Variants in ELP2 observed in about 807,000 individuals in gnomAD.
The protein encoded by ELP2 is elongator acetyltransferase complex subunit 2, also known as elongator complex protein 2.
In ELP2, 90 loss-of-function variants were observed where a neutral mutation model predicts 119.2. That is an observed-to-expected ratio of 0.75 (90% CI 0.64 to 0.90). The LOEUF (loss-of-function observed/expected upper bound fraction) is 0.90. ELP2 is among the 40% of genes least tolerant of loss of function. The pLI, the probability that ELP2 is intolerant of heterozygous loss-of-function variation, is 0.00. For synonymous variants in ELP2, 339 were observed against 331.0 expected (o/e 1.02, Z -0.26); for missense variants, 921 against 967.8 (o/e 0.95, Z 0.64).
chr18:36,156,362 C>A, intron 12 of ELP2, 104 bp from the exon 13 acceptor site: 2 of 1,119,220 alleles, frequency 1.8e-6, no homozygotes, highest in Non-Finnish European at 2.7e-6. Context: ...ATATTTGCCC[C>A]ATGGTTATAT....
Position 36,159,808 on chromosome 18 carries a change from CTT to C in ELP2, c.1610_1611del (p.Phe537SerfsTer7). The C allele has an allele frequency of 6.2e-7, 1 of 1,613,958 alleles. No homozygotes were observed. ...CTGGTTTTGAGTATCAGCAGGTGGC[CTT>C]TCAGCCCTCCATACTTACTGGTAAG... ...STGFEYQQVAFQPSILTEPPT... is the reference protein window; with the variant it reads ...STGFEYQQVAXQPSILTEPPT... On this transcript the variant is annotated frameshift_variant, in exon 15 of 22. Transcript: ENST00000358232. LOFTEE classifies it high-confidence loss of function.
chr18:36,142,743 A>G, intron 7 of ELP2, 83 bp from the exon 8 acceptor site: 1 of 883,286 alleles, frequency 1.1e-6, no homozygotes, highest in Non-Finnish European at 1.8e-6. Flanking sequence ...ATCTGGAAAT[A>G]TATATATTAT....
chr18:36,158,648 C>T (rs1179683041), intron 13 of ELP2, 187 bp from the exon 14 acceptor site: 1 of 549,734 alleles, frequency 1.8e-6, no homozygotes, highest in Non-Finnish European at 3.3e-6. Flanking sequence ...GATTGCTTAG[C>T]ATTGCATTGT....
intron 19 of ELP2, among the ~76,000 whole-genome samples, chr18:36,167,769 G>T (rs1398982542): frequency 1.3e-5 from 2 of 151,850 alleles, no homozygotes; most frequent in South Asian, 2.1e-4. Context: ...GACCTCCTGG[G>T]CCCAAGCAAT....
rs1227719549 is a variant in ELP2, at chr18:36,160,004, A to G, written c.1677A>G (p.Glu559=). 6.2e-7 allele frequency: 1 copy of G among 1,613,960 alleles called. No homozygotes were observed. The highest frequency in any genetic ancestry group is 8.5e-7 in the Non-Finnish European group (1 of 1,179,982). Residue 559 remains glutamate, a synonymous_variant, in exon 16 of 22, where the codon GAA becomes GAG. Coordinates refer to ENST00000358232, the MANE Select transcript of ELP2 (RefSeq NM_018255.4). The part of the protein sequence containing the change: ...DHLLQNTLWP[E]VQKLYGHGYE... ...TTCTGCAGAATACTTTGTGGCCTGA[A>G]GTTCAAAAACTGTAAGTTAAACTGT...
intron 9 of ELP2, among the ~76,000 whole-genome samples, chr18:36,145,685 G>A (rs1209777277): frequency 2.6e-5 from 4 of 152,162 alleles, no homozygotes; most frequent in Non-Finnish European, 5.9e-5. Context: ...AGCTTACCGT[G>A]TTTTGGAGCT....
chr18:36,138,342 A>G lies in ELP2; in HGVS notation c.361A>G (p.Thr121Ala). 6.2e-7 allele frequency: 1 copy of G among 1,614,102 alleles called. No individual in the cohort carries two copies. The highest frequency in any genetic ancestry group is 8.5e-7 in the Non-Finnish European group (1 of 1,179,996). ...GGTGCATGCTGTTTACCAGAGGAGG[A>G]CATCAGATCCTGCATTATGTACACT... ...YAVHAVYQRR[T>A]SDPALCTLIV... The change falls in exon 4 of 22, where the codon ACA (threonine) becomes GCA (alanine). Residue 121 changes from threonine to alanine, a missense_variant. Thr to Ala is a moderately conservative substitution (Grantham distance 58). Coordinates refer to ENST00000358232, the MANE Select transcript of ELP2 (RefSeq NM_018255.4).
chr18:36,136,341 TAATC>T lies in ELP2; in HGVS notation c.255_258del (p.Asn85LysfsTer2), dbSNP rs762574072. ...CTGAATTAGTTTCTGGAGGATCTGATAATCAAGTGATTCACTGGGAAATAGAGGA... is the reference window on the plus strand; with the variant it reads ...CTGAATTAGTTTCTGGAGGATCTGATAAGTGATTCACTGGGAAATAGAGGA... On this transcript the variant is annotated frameshift_variant, in exon 3 of 22. Coordinates refer to ENST00000358232, the MANE Select transcript of ELP2 (RefSeq NM_018255.4). LOFTEE classifies it high-confidence loss of function. 19 of 1,612,128 alleles carry T rather than the reference TAATC, an allele frequency of 1.2e-5. No individual in the cohort carries two copies. The highest frequency in any genetic ancestry group is 5.5e-5 in the South Asian group (5 of 91,056).
intron 8 of ELP2, among the ~76,000 whole-genome samples, chr18:36,143,587 G>A (rs1431054879): frequency 6.6e-6 from 1 of 151,978 alleles, no homozygotes; most frequent in Non-Finnish European, 1.5e-5. Flanking sequence ...TGTAAAGATA[G>A]GGTCTTGCTA....
intron 11 of ELP2, among the ~76,000 whole-genome samples, chr18:36,152,194 C>T (rs1250697129): frequency 7.2e-5 from 2 of 27,964 alleles, no homozygotes; most frequent in Admixed American, 4.1e-4. Context: ...GAGACCCTAT[C>T]TCAAAAAAAA....
intron 17 of ELP2, among the ~76,000 whole-genome samples, chr18:36,162,362 T>C (rs780221090): frequency 1.3e-5 from 2 of 152,166 alleles, no homozygotes; most frequent in Non-Finnish European, 2.9e-5. Context: ...ATCATAATTG[T>C]TTGAGATTTA....
At chr18:36,163,349 T>C (rs1173243142) in intron 17 of ELP2, among the ~76,000 whole-genome samples, 2 of 151,626 alleles carry the variant, frequency 1.3e-5, no homozygotes, top group African/African-American at 4.8e-5. Flanking sequence ...CACTGAACAG[T>C]TTTTTATATA....
rs1375145247 is a variant in ELP2, at chr18:36,130,066, C to T, written c.133C>T (p.Pro45Ser). The part of the protein sequence containing the change: ...GTSCSVVLYD[P>S]LKRVVVTNLN... ...GTCCTGCTCCGTGGTGCTCTATGAC[C>T]CCCTGGTAAGAGAGGTCGCTGGACG... The change falls in exon 1 of 22, where the codon CCC becomes TCC. Residue 45 changes from proline (P) to serine (S), a missense_variant. Transcript: ENST00000358232. The T allele has an allele frequency of 6.2e-7, 1 of 1,614,148 alleles. No individual in the cohort carries two copies. Among genetic ancestry groups the T allele is most frequent in the Non-Finnish European group, 8.5e-7 (1 of 1,180,026 alleles).
At chr18:36,174,463 GA>G in intron 21 of ELP2, 21 bp from the exon 22 acceptor site, 1 of 1,610,620 alleles carries the variant, frequency 6.2e-7, no homozygotes, top group Non-Finnish European at 8.5e-7. Flanking sequence ...AACATTTCAT[GA>G]TTTCTCTATC....
chr18:36,155,597 T>A (rs909037029), intron 12 of ELP2, among the ~76,000 whole-genome samples: 1 of 152,098 alleles, frequency 6.6e-6, no homozygotes, highest in South Asian at 2.1e-4. Flanking sequence ...AGAGACAGGA[T>A]CTTGCTATGT....
At position 36,146,252 on chromosome 18, in the gene ELP2, T is replaced by C; in HGVS notation, c.996T>C (p.Val332=). Residue 332 remains valine (V), a splice_region_variant and synonymous_variant, in exon 11 of 22, where the codon GTT becomes GTC. Coordinates refer to ENST00000358232, the MANE Select transcript of ELP2 (RefSeq NM_018255.4). ...DEESGVWLEQ[V]RVGEVGGNTL... ...GTTTTCTGTCTGTTATTGTACAGGTTCGAGTAGGTGAAGTAGGTGGGAATA... is the reference window on the plus strand; with the variant it reads ...GTTTTCTGTCTGTTATTGTACAGGTCCGAGTAGGTGAAGTAGGTGGGAATA... 1.2e-6 allele frequency: 2 copies of C among 1,614,100 alleles called. No homozygotes were observed. Among genetic ancestry groups the C allele is most frequent in the Non-Finnish European group, 8.5e-7 (1 of 1,179,970 alleles).
chr18:36,144,404 A>G (rs1172324285), intron 8 of ELP2, among the ~76,000 whole-genome samples: 1 of 152,174 alleles, frequency 6.6e-6, no homozygotes, highest in Non-Finnish European at 1.5e-5. Flanking sequence ...ACAGTTCTGC[A>G]AAGCTGAGGA....
At chr18:36,138,191 AT>A in intron 3 of ELP2, 78 bp from the exon 4 acceptor site, 2 of 1,499,038 alleles carry the variant, frequency 1.3e-6, no homozygotes, top group East Asian at 4.6e-5. Context: ...CAGCCATTTT[AT>A]TGGCACATTT....
In ELP2 at chr18:36,156,641, A is replaced by G; in HGVS notation, c.1451A>G (p.His484Arg). The change falls in exon 13 of 22, where the codon CAT becomes CGT. Residue 484 changes from histidine to arginine, a missense_variant. Coordinates refer to ENST00000358232, the MANE Select transcript of ELP2 (RefSeq NM_018255.4). Reference protein sequence around the residue: ...FCAITGQSLNHVLCNQDSDLP... With the variant: ...FCAITGQSLNRVLCNQDSDLP... Reference sequence around the variant, plus strand: ...GCCATTACAGGACAATCACTGAATCATGTGCTCTGTAATGTGAGTATTTCT... The same window carrying G: ...GCCATTACAGGACAATCACTGAATCGTGTGCTCTGTAATGTGAGTATTTCT... 2 of 1,613,958 alleles carry G rather than the reference A, an allele frequency of 1.2e-6. No homozygotes were observed. Among genetic ancestry groups the G allele is most frequent in the Non-Finnish European group, 1.7e-6 (2 of 1,179,860 alleles).
Sources: allele counts gnomAD v4.1 joint callset (sites outside exome capture counted in the v4.1 genomes callset), GRCh38; gene constraint gnomAD v4.1.1; transcripts MANE v1.5; gene names NCBI Gene and HGNC (gene_info 2026-07-23, HGNC 2026-07-21).